MALRD1: variants seen among roughly 807,000 people sequenced by gnomAD.
MALRD1 encodes the protein MAM and LDL-receptor class A domain-containing protein 1.
MALRD1 carries 247 observed loss-of-function variants against 242.1 expected under a neutral mutation model. The ratio of observed to expected loss-of-function variants is 1.02; its 90% CI spans 0.92 to 1.13. MALRD1 has a LOEUF of 1.13. MALRD1 is among the 50% of genes most tolerant of loss of function. The pLI is 0.00. For missense variants in MALRD1, 2,989 were observed against 2,533.1 expected (o/e 1.18, Z -3.86); for synonymous variants, 995 against 866.6 (o/e 1.15, Z -2.60).
At chr10:19,662,094 T>G (rs1441877145) in intron 36 of MALRD1, among the ~76,000 whole-genome samples, 1 of 152,144 alleles carries the variant, frequency 6.6e-6, no homozygotes, top group Admixed American at 6.6e-5. Context: ...TATTTTAATA[T>G]GAAAGAGTAT....
At chr10:19,373,215 A>AT (rs1156913725) in intron 26 of MALRD1, among the ~76,000 whole-genome samples, 1 of 143,410 alleles carries the variant, frequency 7.0e-6, no homozygotes, top group Non-Finnish European at 1.5e-5. Context: ...AAAAAAAAAA[A>AT]AAAAATAAGG....
chr10:19,603,822 A>G (rs562162464), intron 34 of MALRD1, among the ~76,000 whole-genome samples: 6 of 152,246 alleles, frequency 3.9e-5, no homozygotes, highest in Admixed American at 3.3e-4. Flanking sequence ...TGATGTTACT[A>G]CTGTAATTGT....
At chr10:19,321,457 T>C (rs914873786) in intron 21 of MALRD1, among the ~76,000 whole-genome samples, 1 of 152,140 alleles carries the variant, frequency 6.6e-6, no homozygotes. Context: ...GTAAGCCATA[T>C]TAAATATATA....
chr10:19,095,586 G>A (rs1045297483), intron 4 of MALRD1, among the ~76,000 whole-genome samples: 1 of 151,998 alleles, frequency 6.6e-6, no homozygotes, highest in East Asian at 1.9e-4. Flanking sequence ...TACAATGAAG[G>A]GAAGGTTCCC....
upstream of MALRD1, among the ~76,000 whole-genome samples, chr10:19,047,151 G>A (rs369887620): frequency 2.0e-5 from 3 of 152,088 alleles, no homozygotes; most frequent in Admixed American, 6.6e-5. Flanking sequence ...AGTCTTCAAC[G>A]GAAATATGGA....
intron 21 of MALRD1, among the ~76,000 whole-genome samples, chr10:19,319,795 A>G (rs189733768): frequency 6.6e-6 from 1 of 152,132 alleles, no homozygotes; most frequent in East Asian, 1.9e-4. Context: ...CCTGCGTAAT[A>G]AGATGATCAC....
At chr10:19,452,085 T>C (rs940360710) in intron 29 of MALRD1, among the ~76,000 whole-genome samples, 2 of 152,230 alleles carry the variant, frequency 1.3e-5, no homozygotes, top group Non-Finnish European at 2.9e-5. Context: ...TTATGGTTAG[T>C]AACTCAATCT....
chr10:19,292,469 TA>T (rs759906121), intron 21 of MALRD1, among the ~76,000 whole-genome samples: 5 of 151,328 alleles, frequency 3.3e-5, no homozygotes, highest in Admixed American at 2.6e-4. Flanking sequence ...TACCCAGATT[TA>T]AAAAAAAACA....
chr10:19,546,159 A>G (rs1835199204), intron 32 of MALRD1, among the ~76,000 whole-genome samples: 1 of 152,130 alleles, frequency 6.6e-6, no homozygotes, highest in Admixed American at 6.6e-5. Context: ...ATTTCTATAG[A>G]TGGATGAGTC....
chr10:19,211,409 A>T (rs1588703215), intron 18 of MALRD1, among the ~76,000 whole-genome samples: 1 of 152,124 alleles, frequency 6.6e-6, no homozygotes, highest in African/African-American at 2.4e-5. Context: ...GTGAGTAAAA[A>T]ATGGGGCCTG....
chr10:19,118,273 A>G (rs1836942035), intron 5 of MALRD1, among the ~76,000 whole-genome samples: 1 of 152,244 alleles, frequency 6.6e-6, no homozygotes. Flanking sequence ...GCCAAACATG[A>G]GTGATCGATG....
At chr10:19,251,629 A>G (rs1407046649) in intron 18 of MALRD1, among the ~76,000 whole-genome samples, 1 of 152,016 alleles carries the variant, frequency 6.6e-6, no homozygotes, top group Non-Finnish European at 1.5e-5. Context: ...AAGTAGGGTA[A>G]AATATCAGGC....
At chr10:19,571,623 A>T (rs1836543806) in intron 33 of MALRD1, among the ~76,000 whole-genome samples, 1 of 152,210 alleles carries the variant, frequency 6.6e-6, no homozygotes, top group African/African-American at 2.4e-5. Flanking sequence ...TAAAAAATGC[A>T]AGAATTCTGA....
intron 1 of MALRD1, among the ~76,000 whole-genome samples, chr10:19,056,192 A>G (rs1258097660): frequency 6.6e-6 from 1 of 152,060 alleles, no homozygotes; most frequent in South Asian, 2.1e-4. Context: ...TTGTGATTTC[A>G]TATGGATTTA....
intron 11 of MALRD1, among the ~76,000 whole-genome samples, chr10:19,149,273 G>T (rs1427472420): frequency 6.6e-6 from 1 of 151,954 alleles, no homozygotes; most frequent in African/African-American, 2.4e-5. Flanking sequence ...ACACCACCAC[G>T]CCCAGCTGGT....
rs2131331518 is a variant in MALRD1 at position 19,526,039 on chromosome 10, T to C, written c.5321-5155T>C. Among the ~76,000 whole-genome samples, 3 of 152,294 alleles carry C rather than the reference T, an allele frequency of 2.0e-5. 1 individual carries two copies. Among genetic ancestry groups the C allele is most frequent in the Admixed American group, 2.0e-4 (3 of 15,284 alleles). On this transcript the variant is annotated intron_variant, in intron 31 of 39. Transcript: ENST00000454679. Reference sequence around the variant, plus strand: ...ATGATTTACCATTAAATTCTAAATATGCTGTGGCAGTTCAGACATTTCAGC... The same window carrying C: ...ATGATTTACCATTAAATTCTAAATACGCTGTGGCAGTTCAGACATTTCAGC...
At chr10:19,558,728 A>G (rs1018160149) in intron 32 of MALRD1, among the ~76,000 whole-genome samples, 1 of 151,990 alleles carries the variant, frequency 6.6e-6, no homozygotes, top group Non-Finnish European at 1.5e-5. Context: ...GTTTTGTATT[A>G]TGGTTTTGTT....
chr10:19,350,121 T>C (rs1444018539), intron 25 of MALRD1, among the ~76,000 whole-genome samples: 1 of 152,092 alleles, frequency 6.6e-6, no homozygotes, highest in African/African-American at 2.4e-5. Context: ...CAGATTTTTA[T>C]GAGAATCACC....
chr10:19,133,235 A>G (rs1321232235), intron 8 of MALRD1, among the ~76,000 whole-genome samples: 1 of 152,162 alleles, frequency 6.6e-6, no homozygotes, highest in East Asian at 1.9e-4. Flanking sequence ...TTTTACATAG[A>G]TTTTGCAATC....
Sources: gnomAD v4.1 joint callset for allele counts (sites outside exome capture counted in the v4.1 genomes callset) on GRCh38, gnomAD v4.1.1 for gene constraint, MANE v1.5 for transcripts, NCBI Gene and HGNC (gene_info 2026-07-23, HGNC 2026-07-21) for gene names.